Variants in OPCML observed in about 807,000 individuals in gnomAD.
The protein encoded by OPCML is opioid binding protein/cell adhesion molecule like.
In OPCML, 13 loss-of-function variants were observed where a neutral mutation model predicts 37.8. The observed-to-expected ratio is 0.34, with a 90% CI of 0.22 to 0.55. OPCML has a LOEUF of 0.55. Ranked by LOEUF, OPCML falls within the 20% of genes least tolerant of loss-of-function variation. The pLI, the probability that OPCML is intolerant of heterozygous loss-of-function variation, is 0.91. For missense variants in OPCML, 341 were observed against 435.6 expected (o/e 0.78, Z 1.93); for synonymous variants, 176 against 168.8 (o/e 1.04, Z -0.33).
intron 1 of OPCML, among the ~76,000 whole-genome samples, chr11:133,199,150 T>C (rs1377920045): frequency 3.3e-5 from 5 of 152,050 alleles, no homozygotes; most frequent in African/African-American, 4.8e-5. Flanking sequence ...ACCTAGGTCT[T>C]GAGGGGTAGA....
intron 1 of OPCML, among the ~76,000 whole-genome samples, chr11:133,140,345 C>G (rs1366226705): frequency 8.0e-5 from 12 of 149,164 alleles, no homozygotes; most frequent in Non-Finnish European, 1.8e-4. Context: ...AATGCCATCT[C>G]TACTAAAAAA....
At chr11:133,246,055 G>A (rs1416493152) in intron 1 of OPCML, among the ~76,000 whole-genome samples, 3 of 151,864 alleles carry the variant, frequency 2.0e-5, no homozygotes, top group African/African-American at 7.3e-5. Context: ...TGCAGCAACC[G>A]CCATGGCACA....
chr11:133,229,439 G>A (rs75971986), intron 1 of OPCML, among the ~76,000 whole-genome samples: 204 of 152,236 alleles, frequency 1.3e-3, no homozygotes, highest in African/African-American at 4.8e-3. Context: ...AAGAGAAGCT[G>A]TAAAGTACTT....
At chr11:132,456,743 T>A (rs1182809982) in intron 4 of OPCML, among the ~76,000 whole-genome samples, 1 of 152,234 alleles carries the variant, frequency 6.6e-6, no homozygotes, top group Non-Finnish European at 1.5e-5. Flanking sequence ...AGTTATCAAA[T>A]AAATGTGTGT....
intron 4 of OPCML, among the ~76,000 whole-genome samples, chr11:132,441,828 A>G (rs2096036704): frequency 6.6e-6 from 1 of 152,220 alleles, no homozygotes; most frequent in African/African-American, 2.4e-5. Flanking sequence ...TGCAGGTTGC[A>G]TCCTTGGGGA....
At chr11:133,046,641 C>A (rs1215466249) in intron 1 of OPCML, among the ~76,000 whole-genome samples, 2 of 152,188 alleles carry the variant, frequency 1.3e-5, no homozygotes, top group Non-Finnish European at 2.9e-5. Flanking sequence ...TAGCCCCTGG[C>A]ATGTGGGGTT....
At chr11:132,469,546 GGT>G (rs1261442200) in intron 4 of OPCML, among the ~76,000 whole-genome samples, 9 of 146,634 alleles carry the variant, frequency 6.1e-5, no homozygotes, top group African/African-American at 1.0e-4. Context: ...ATGTGTGTGG[GGT>G]GTGTGTGTGT....
chr11:132,998,897 T>A (rs1946939024), intron 1 of OPCML, among the ~76,000 whole-genome samples: 1 of 152,154 alleles, frequency 6.6e-6, no homozygotes, highest in African/African-American at 2.4e-5. Flanking sequence ...AGAAATAAAT[T>A]TCTGTTGTAA....
intron 2 of OPCML, among the ~76,000 whole-genome samples, chr11:132,776,520 T>C (rs937588121): frequency 2.6e-5 from 4 of 151,840 alleles, no homozygotes; most frequent in Admixed American, 6.6e-5. Context: ...GATAAGTGAG[T>C]TCTTACTCAG....
At chr11:133,251,025 A>G (rs1214772126) in intron 1 of OPCML, among the ~76,000 whole-genome samples, 2 of 152,162 alleles carry the variant, frequency 1.3e-5, no homozygotes, top group African/African-American at 4.8e-5. Context: ...GAAGACGTTC[A>G]TTAGAAATCA....
intron 3 of OPCML, among the ~76,000 whole-genome samples, chr11:132,585,796 C>T (rs2096471387): frequency 6.6e-6 from 1 of 152,146 alleles, no homozygotes; most frequent in South Asian, 2.1e-4. Flanking sequence ...CCATCTCTTG[C>T]CCAGTTTCTG....
At chr11:133,059,679 C>T (rs1486823061) in intron 1 of OPCML, among the ~76,000 whole-genome samples, 3 of 152,352 alleles carry the variant, frequency 2.0e-5, no homozygotes, top group East Asian at 3.9e-4. Context: ...ACTTCTGCTG[C>T]ACAACCAAGT....
intron 1 of OPCML, among the ~76,000 whole-genome samples, chr11:133,446,034 G>T (rs1946467630): frequency 6.6e-6 from 1 of 152,174 alleles, no homozygotes; most frequent in Non-Finnish European, 1.5e-5. Flanking sequence ...ATAGGATAAA[G>T]ATTAAAGAAA....
chr11:132,742,388 AAGAGGCTG>A (rs2136041869), intron 2 of OPCML, among the ~76,000 whole-genome samples: 1 of 152,294 alleles, frequency 6.6e-6, no homozygotes, highest in African/African-American at 2.4e-5. Context: ...TAAGAAGTGA[AAGAGGCTG>A]AGAGGTCCCA....
At chr11:132,863,212 A>T (rs1441309338) in intron 2 of OPCML, among the ~76,000 whole-genome samples, 2 of 152,110 alleles carry the variant, frequency 1.3e-5, no homozygotes, top group African/African-American at 4.8e-5. Flanking sequence ...GCAGCAGAAA[A>T]TCCTGAGCCC....
At chr11:133,416,649 T>C (rs7131457) in intron 1 of OPCML, among the ~76,000 whole-genome samples, 23,841 of 152,210 alleles carry the variant, frequency 0.16, 1,990 homozygotes, top group African/African-American at 0.18. Context: ...ACACCTCTTA[T>C]AACAAGTTTC....
At position 133,061,906 on chromosome 11, in the gene OPCML, GGT is replaced by G. The variant is rs113043772; in HGVS notation, c.62-118898_62-118897del. Among the ~76,000 whole-genome samples the G allele has an allele frequency of 4.4e-3, 670 of 152,054 alleles. 10 individuals are homozygous for G. Among genetic ancestry groups the G allele is most frequent in the African/African-American group, 0.015 (640 of 41,436 alleles). On this transcript the variant is annotated intron_variant, in intron 1 of 7. Coordinates refer to ENST00000524381, the MANE Select transcript of OPCML (RefSeq NM_001012393.5). ...GACACTAAACAGAAATTGAGGTGGGGGTGGGGGCTGAAAAGTTTGAGAATTTC... is the reference window on the plus strand; with the variant it reads ...GACACTAAACAGAAATTGAGGTGGGGGGGGGCTGAAAAGTTTGAGAATTTC...
At chr11:132,448,391 A>T (rs1379267291) in intron 4 of OPCML, among the ~76,000 whole-genome samples, 1 of 152,216 alleles carries the variant, frequency 6.6e-6, no homozygotes, top group Non-Finnish European at 1.5e-5. Flanking sequence ...TGCAAGCCAC[A>T]ACCAGAGACA....
chr11:133,187,566 C>T (rs1938137834), intron 1 of OPCML, among the ~76,000 whole-genome samples: 1 of 152,060 alleles, frequency 6.6e-6, no homozygotes, highest in Non-Finnish European at 1.5e-5. Context: ...GCAACTTCTA[C>T]CTTTCTGCTT....
Sources: allele counts gnomAD v4.1 joint callset (sites outside exome capture counted in the v4.1 genomes callset), GRCh38; gene constraint gnomAD v4.1.1; transcripts MANE v1.5; gene names NCBI Gene and HGNC (gene_info 2026-07-23, HGNC 2026-07-21).